WDR64: variants seen among roughly 807,000 people sequenced by gnomAD.
WDR64 encodes the protein WD repeat domain 64, also known as WD repeat-containing protein 64.
Under a neutral mutation model 139.3 loss-of-function variants are expected in WDR64, and 112 were observed. The observed-to-expected ratio is 0.80, with a 90% CI of 0.69 to 0.94. WDR64 has a LOEUF of 0.94. Ranked by LOEUF, WDR64 falls within the 40% of genes least tolerant of loss-of-function variation. WDR64 has a pLI of 0.00. For synonymous variants in WDR64, 444 were observed against 437.7 expected (o/e 1.01, Z -0.18); for missense variants, 1,206 against 1,293.1 (o/e 0.93, Z 1.03).
chr1:241,660,121 C>T (rs1665766185), intron 1 of WDR64, among the ~76,000 whole-genome samples: 1 of 152,156 alleles, frequency 6.6e-6, no homozygotes. Context: ...CAATTTCCTA[C>T]ACGTGGCTAT....
intron 23 of WDR64, among the ~76,000 whole-genome samples, chr1:241,784,976 A>G (rs12095707): frequency 0.023 from 2,250 of 98,200 alleles, 193 homozygotes; most frequent in East Asian, 0.074. Context: ...AAAAAAAAAA[A>G]GAAAGGACAT....
chr1:241,729,611 A>G (rs1668995493), intron 10 of WDR64, among the ~76,000 whole-genome samples: 1 of 152,174 alleles, frequency 6.6e-6, no homozygotes, highest in African/African-American at 2.4e-5. Context: ...GACATCCTAT[A>G]TATCCTTTAC....
chr1:241,688,383 C>T (rs1252624645), intron 8 of WDR64, among the ~76,000 whole-genome samples: 1 of 152,070 alleles, frequency 6.6e-6, no homozygotes, highest in Admixed American at 6.5e-5. Context: ...TCTAAATTTA[C>T]TAAAAATTAT....
At chr1:241,787,530 T>C (rs571143616) in intron 23 of WDR64, among the ~76,000 whole-genome samples, 1 of 151,700 alleles carries the variant, frequency 6.6e-6, no homozygotes, top group Admixed American at 6.6e-5. Context: ...CCAAGTATGG[T>C]GGTGGGCTTC....
At position 241,710,932 on chromosome 1, in the gene WDR64, G is replaced by T. The variant is rs569983077; in HGVS notation, c.975-870G>T. Among the ~76,000 whole-genome samples the T allele has an allele frequency of 3.4e-5, 5 of 149,118 alleles. No individual in the cohort carries two copies. In the South Asian group the frequency reaches 1.0e-3, roughly 31 times the overall value. On this transcript the variant is annotated intron_variant, in intron 8 of 27. Coordinates refer to ENST00000437684, the MANE Select transcript of WDR64 (RefSeq NM_001367482.1). The stretch of plus-strand genomic sequence containing the variant: ...GGGATTTGGGTTGGGAATGAGGAAA[G>T]AAGAATGGGCAATAGTGGAAGCAGG...
At chr1:241,670,349 GA>G (rs34580106) in intron 2 of WDR64, among the ~76,000 whole-genome samples, 9,650 of 148,136 alleles carry the variant, frequency 0.065, 465 homozygotes, top group East Asian at 0.25. Flanking sequence ...CAGGGATAAA[GA>G]AAAAAAAAAT....
chr1:241,769,537 G>A (rs1198073224), intron 17 of WDR64, 32 bp downstream of exon 17: 7 of 1,525,858 alleles, frequency 4.6e-6, no homozygotes, highest in Middle Eastern at 1.7e-4. Context: ...CAGTAATACT[G>A]TCTGGGACTT....
At chr1:241,699,856 A>G (rs1180863118) in intron 8 of WDR64, among the ~76,000 whole-genome samples, 2 of 152,152 alleles carry the variant, frequency 1.3e-5, no homozygotes, top group East Asian at 3.9e-4. Flanking sequence ...CCTGCATACC[A>G]TGCTAAAGAG....
intron 16 of WDR64, among the ~76,000 whole-genome samples, chr1:241,768,686 T>C (rs938604384): frequency 6.6e-6 from 1 of 152,172 alleles, no homozygotes; most frequent in Non-Finnish European, 1.5e-5. Context: ...GAAATTTTGC[T>C]GTAAGGTCTA....
chr1:241,766,155 T>C (rs1658155756), intron 15 of WDR64, 63 bp from the exon 16 acceptor site: 3 of 1,539,080 alleles, frequency 1.9e-6, no homozygotes, highest in Admixed American at 1.8e-5. Flanking sequence ...AGTGTACACA[T>C]GGCGTTTGCA....
At chr1:241,757,507 G>A (rs964003242) in intron 15 of WDR64, 48 bp downstream of exon 15, 2 of 1,527,810 alleles carry the variant, frequency 1.3e-6, no homozygotes. Flanking sequence ...TTTTGTTATG[G>A]AAATTTACAA....
chr1:241,726,882 TA>T (rs1311285850), intron 10 of WDR64, among the ~76,000 whole-genome samples: 1 of 133,692 alleles, frequency 7.5e-6, no homozygotes, highest in Non-Finnish European at 1.6e-5. Flanking sequence ...TACTTTGTAA[TA>T]AGGACAAAGT....
intron 21 of WDR64, among the ~76,000 whole-genome samples, chr1:241,779,764 A>G (rs1414941320): frequency 6.6e-6 from 1 of 152,180 alleles, no homozygotes; most frequent in African/African-American, 2.4e-5. Context: ...CAGGAGGCAG[A>G]GGTTGCAGTG....
At position 241,729,656 on chromosome 1, in the gene WDR64, TCA is replaced by T. The variant is rs1668997642; in HGVS notation, c.1194+6222_1194+6223del. ...AAATATCATGTCATGCCCAAAGCCTTCACTAAGATAAAAATTGAGTTTTTTTT... is the reference window on the plus strand; with the variant it reads ...AAATATCATGTCATGCCCAAAGCCTTCTAAGATAAAAATTGAGTTTTTTTT... On this transcript the variant is annotated intron_variant, in intron 10 of 27. Transcript: ENST00000437684. Among the ~76,000 whole-genome samples the T allele has an allele frequency of 3.9e-5, 6 of 152,312 alleles. No homozygotes were observed. In the South Asian group the frequency reaches 1.2e-3, roughly 32 times the overall value.
intron 8 of WDR64, among the ~76,000 whole-genome samples, chr1:241,687,923 A>G (rs990561221): frequency 3.3e-5 from 5 of 152,218 alleles, no homozygotes; most frequent in Non-Finnish European, 5.9e-5. Context: ...TCATTCTTAC[A>G]GGTCAGTTGG....
intron 7 of WDR64, 108 bp from the exon 8 acceptor site, chr1:241,687,353 T>C: frequency 7.6e-7 from 1 of 1,315,056 alleles, no homozygotes; most frequent in East Asian, 2.5e-5. Context: ...GTATTCTACA[T>C]TTGGGTTTAG....
At chr1:241,700,916 T>A (rs765221338) in intron 8 of WDR64, among the ~76,000 whole-genome samples, 7 of 152,096 alleles carry the variant, frequency 4.6e-5, no homozygotes, top group Non-Finnish European at 2.9e-5. Flanking sequence ...GCTGTCAAAA[T>A]CCATGAAAAT....
intron 12 of WDR64, among the ~76,000 whole-genome samples, chr1:241,743,389 G>A (rs1669626567): frequency 6.6e-6 from 1 of 152,082 alleles, no homozygotes; most frequent in South Asian, 2.1e-4. Flanking sequence ...TAAAAGTACG[G>A]ACTCTAGGGC....
intron 22 of WDR64, 112 bp downstream of exon 22, chr1:241,780,174 C>A: frequency 1.1e-6 from 1 of 886,692 alleles, no homozygotes; most frequent in Non-Finnish European, 1.7e-6. Context: ...GTTGTCAAGG[C>A]ACATATACTA....
Sources: gnomAD v4.1 joint callset for allele counts (sites outside exome capture counted in the v4.1 genomes callset) on GRCh38, gnomAD v4.1.1 for gene constraint, MANE v1.5 for transcripts, NCBI Gene and HGNC (gene_info 2026-07-23, HGNC 2026-07-21) for gene names.